SMIM10L3: variants seen among roughly 807,000 people sequenced by gnomAD.
SMIM10L3 encodes salivary gland specific protein SAGSIN1.
the SMIM10L3 span, among the ~76,000 whole-genome samples, chr7:6,334,561 G>A: frequency 6.6e-6 from 1 of 151,816 alleles, no homozygotes; most frequent in Non-Finnish European, 1.5e-5. Context: ...TCTGCCTCCT[G>A]GGTTCAACAA....
the SMIM10L3 span, chr7:6,330,276 A>G: frequency 1.7e-6 from 2 of 1,166,858 alleles, no homozygotes; most frequent in South Asian, 3.1e-5. Context: ...CTACAGCAGG[A>G]ACCTAAGGGC....
the SMIM10L3 span, among the ~76,000 whole-genome samples, chr7:6,333,995 C>G: frequency 1.3e-5 from 2 of 151,160 alleles, no homozygotes. Flanking sequence ...TACAGGCACC[C>G]GCCACCACGC....
At chr7:6,348,900 GTCC>G in the SMIM10L3 span, 4 of 387,204 alleles carry the variant, frequency 1.0e-5, no homozygotes, top group Non-Finnish European at 1.8e-5. Flanking sequence ...GTGGAGCGGA[GTCC>G]GCACGTCACG....
chr7:6,345,279 G>A, the SMIM10L3 span, among the ~76,000 whole-genome samples: 205 of 151,296 alleles, frequency 1.4e-3, 2 homozygotes, highest in African/African-American at 4.5e-3. Flanking sequence ...CACGACACCC[G>A]GCTAATTTAT....
chr7:6,334,530 G>A, the SMIM10L3 span, among the ~76,000 whole-genome samples: 1 of 151,970 alleles, frequency 6.6e-6, no homozygotes, highest in African/African-American at 2.4e-5. Context: ...TGCAGTGGCA[G>A]GATCACAGCT....
the SMIM10L3 span, among the ~76,000 whole-genome samples, chr7:6,334,183 C>G: frequency 2.0e-5 from 3 of 151,662 alleles, no homozygotes; most frequent in Admixed American, 6.6e-5. Flanking sequence ...CCACATCAGC[C>G]TCCTGAGTAG....
chr7:6,332,153 A>C, the SMIM10L3 span, among the ~76,000 whole-genome samples: 4 of 151,864 alleles, frequency 2.6e-5, no homozygotes, highest in South Asian at 6.2e-4. Context: ...TTTGAAATGA[A>C]CAAAAAATAA....
the SMIM10L3 span, among the ~76,000 whole-genome samples, chr7:6,342,374 G>A: frequency 9.9e-5 from 15 of 151,568 alleles, no homozygotes; most frequent in East Asian, 1.2e-3. Flanking sequence ...GCAAAACCCC[G>A]ACTCTACTAA....
the SMIM10L3 span, among the ~76,000 whole-genome samples, chr7:6,348,213 G>C: frequency 7.5e-6 from 1 of 133,326 alleles, no homozygotes; most frequent in Non-Finnish European, 1.6e-5. Flanking sequence ...GCCGAGACCC[G>C]TCTTTACAAT....
the SMIM10L3 span, among the ~76,000 whole-genome samples, chr7:6,339,157 C>T: frequency 6.6e-6 from 1 of 152,178 alleles, no homozygotes; most frequent in Admixed American, 6.6e-5. Context: ...CTGCTACTCG[C>T]CACTTGGCAC....
chr7:6,348,715 G>C, the SMIM10L3 span: 1 of 420,638 alleles, frequency 2.4e-6, no homozygotes, highest in South Asian at 7.0e-5. Context: ...GGCGGCGGCC[G>C]AGCGCGAGAG....
the SMIM10L3 span, chr7:6,330,391 G>A: frequency 2.5e-6 from 4 of 1,612,726 alleles, no homozygotes; most frequent in African/African-American, 4.0e-5. Flanking sequence ...ATGGCATAAT[G>A]TATTTGCTAA....
chr7:6,346,333 C>A, the SMIM10L3 span, among the ~76,000 whole-genome samples: 1 of 152,138 alleles, frequency 6.6e-6, no homozygotes, highest in Non-Finnish European at 1.5e-5. Context: ...GACAGTACCT[C>A]AATTTGGACC....
the SMIM10L3 span, among the ~76,000 whole-genome samples, chr7:6,339,471 G>T: frequency 6.6e-6 from 1 of 151,790 alleles, no homozygotes; most frequent in Admixed American, 6.6e-5. Flanking sequence ...TATAAAACCA[G>T]CTGTGTACCC....
the SMIM10L3 span, among the ~76,000 whole-genome samples, chr7:6,339,768 G>A: frequency 1.3e-5 from 2 of 152,030 alleles, no homozygotes; most frequent in African/African-American, 4.8e-5. Flanking sequence ...ACTGTGCCCA[G>A]CCGTACCCCT....
the SMIM10L3 span, among the ~76,000 whole-genome samples, chr7:6,346,839 G>C: frequency 6.6e-6 from 1 of 152,178 alleles, no homozygotes; most frequent in African/African-American, 2.4e-5. Context: ...CTGCAGTGTG[G>C]TGGTTCTACT....
At chr7:6,347,842 C>T in the SMIM10L3 span, among the ~76,000 whole-genome samples, 5,135 of 150,482 alleles carry the variant, frequency 0.034, 263 homozygotes, top group African/African-American at 0.11. Flanking sequence ...TCTCTTGAGG[C>T]CAGGAGTTCG....
the SMIM10L3 span, among the ~76,000 whole-genome samples, chr7:6,347,114 G>A: frequency 1.3e-5 from 2 of 152,274 alleles, no homozygotes; most frequent in African/African-American, 4.8e-5. Context: ...ATCACTTGAG[G>A]CCAGAAGTTC....
At chr7:6,336,284 G>A in the SMIM10L3 span, among the ~76,000 whole-genome samples, 1 of 151,948 alleles carries the variant, frequency 6.6e-6, no homozygotes, top group South Asian at 2.1e-4. Flanking sequence ...GAAGCTCAAG[G>A]CTGCAGTAAG....
Sources: gnomAD v4.1 joint callset for allele counts (sites outside exome capture counted in the v4.1 genomes callset) on GRCh38, gnomAD v4.1.1 for gene constraint, MANE v1.5 for transcripts, NCBI Gene and HGNC (gene_info 2026-07-23, HGNC 2026-07-21) for gene names.